Variants in NKAIN2 observed in about 807,000 individuals in gnomAD.
NKAIN2 encodes the protein sodium/potassium transporting ATPase interacting 2.
Under a neutral mutation model 32.6 loss-of-function variants are expected in NKAIN2, and 14 were observed. The ratio of observed to expected loss-of-function variants is 0.43; its 90% confidence interval spans 0.28 to 0.67. NKAIN2 has a LOEUF of 0.67. NKAIN2 is among the 30% of genes least tolerant of loss of function. NKAIN2 has a pLI of 0.17. For missense variants in NKAIN2, 198 were observed against 258.3 expected (o/e 0.77, Z 1.60); for synonymous variants, 80 against 87.2 (o/e 0.92, Z 0.46).
intron 3 of NKAIN2, among the ~76,000 whole-genome samples, chr6:124,445,783 CA>C (rs869309610): frequency 2.6e-4 from 18 of 70,166 alleles, no homozygotes; most frequent in East Asian, 7.7e-4. Flanking sequence ...CGAAACAAAA[CA>C]AAAAAAAAAA....
intron 4 of NKAIN2, among the ~76,000 whole-genome samples, chr6:124,730,373 T>C (rs1407528407): frequency 9.7e-6 from 1 of 103,292 alleles, no homozygotes; most frequent in Admixed American, 1.1e-4. Context: ...TATAGATCAA[T>C]GGAACAGAAC....
At chr6:124,455,417 C>G (rs1776282477) in intron 3 of NKAIN2, among the ~76,000 whole-genome samples, 1 of 151,802 alleles carries the variant, frequency 6.6e-6, no homozygotes, top group Non-Finnish European at 1.5e-5. Context: ...TAGGGTTGAT[C>G]TAGTTTTCGA....
At chr6:124,384,291 T>C (rs769066098) in intron 3 of NKAIN2, among the ~76,000 whole-genome samples, 4 of 152,160 alleles carry the variant, frequency 2.6e-5, no homozygotes, top group Non-Finnish European at 4.4e-5. Context: ...TTATCTGAGT[T>C]AATGAATATA....
chr6:124,813,235 T>C (rs543591488), intron 5 of NKAIN2, among the ~76,000 whole-genome samples: 1 of 152,240 alleles, frequency 6.6e-6, no homozygotes, highest in South Asian at 2.1e-4. Context: ...CACTGGCAAA[T>C]TCAGCAAAGG....
At chr6:124,361,285 T>G (rs1799276712) in intron 3 of NKAIN2, among the ~76,000 whole-genome samples, 1 of 152,100 alleles carries the variant, frequency 6.6e-6, no homozygotes, top group Admixed American at 6.6e-5. Context: ...TTTTATTGCA[T>G]GTGATAAAAT....
At chr6:124,277,092 T>G (rs914724945) in intron 1 of NKAIN2, among the ~76,000 whole-genome samples, 96 of 152,116 alleles carry the variant, frequency 6.3e-4, no homozygotes, top group African/African-American at 2.0e-3. Flanking sequence ...GGAACAAAAT[T>G]TTACATGAAT....
chr6:124,806,786 G>A (rs1050216345), intron 5 of NKAIN2, among the ~76,000 whole-genome samples: 1 of 151,908 alleles, frequency 6.6e-6, no homozygotes, highest in African/African-American at 2.4e-5. Flanking sequence ...ATAAAAGGAT[G>A]GAGGAAGATC....
At chr6:123,932,406 CTTTTTTTTTTTTTTT>C (rs57063550) in intron 1 of NKAIN2, among the ~76,000 whole-genome samples, 36,616 of 106,044 alleles carry the variant, frequency 0.35, 6,204 homozygotes, top group East Asian at 0.6. Flanking sequence ...TTCTGTCTTT[CTTTTTTTTTTTTTTT>C]TTTTTTTTTT....
chr6:124,644,408 CT>C (rs34696279), intron 3 of NKAIN2, among the ~76,000 whole-genome samples: 72,809 of 139,680 alleles, frequency 0.52, 18,308 homozygotes, highest in Middle Eastern at 0.62. Flanking sequence ...CTTTTCTTTT[CT>C]TTTTTTTTTT....
chr6:124,470,546 A>T (rs1776930999), intron 3 of NKAIN2, among the ~76,000 whole-genome samples: 2 of 152,112 alleles, frequency 1.3e-5, no homozygotes, highest in Middle Eastern at 3.2e-3. Context: ...GAATGTATTG[A>T]ACACACAGCA....
intron 3 of NKAIN2, among the ~76,000 whole-genome samples, chr6:124,363,085 T>C (rs1439360578): frequency 1.3e-5 from 2 of 152,132 alleles, no homozygotes; most frequent in African/African-American, 4.8e-5. Flanking sequence ...TCTGCCCTCA[T>C]TGGCCTCCCA....
chr6:124,513,703 A>G (rs983698414), intron 3 of NKAIN2, among the ~76,000 whole-genome samples: 3 of 152,174 alleles, frequency 2.0e-5, no homozygotes, highest in African/African-American at 7.2e-5. Flanking sequence ...TGTAATAGTA[A>G]CAGAATCACC....
chr6:124,507,711 T>G lies in NKAIN2; in HGVS notation c.274-150475T>G, dbSNP rs537804251. Among the ~76,000 whole-genome samples, 7 of 152,264 alleles carry G rather than the reference T, an allele frequency of 4.6e-5. No homozygotes were observed. In the South Asian group the frequency reaches 1.5e-3, roughly 32 times the overall value. ...AATACTACATTTTTCTGCCATTCTG[T>G]TATGTGCTGATTTATCTTTACAATA... On this transcript the variant is annotated intron_variant, in intron 3 of 6. Transcript: ENST00000368417.
At chr6:124,346,905 A>G (rs1798451984) in intron 2 of NKAIN2, among the ~76,000 whole-genome samples, 1 of 152,044 alleles carries the variant, frequency 6.6e-6, no homozygotes, top group African/African-American at 2.4e-5. Flanking sequence ...TTTGCACATT[A>G]GTTGATGCAG....
chr6:124,230,471 G>A (rs1396764953), intron 1 of NKAIN2, among the ~76,000 whole-genome samples: 3 of 152,192 alleles, frequency 2.0e-5, no homozygotes, highest in African/African-American at 4.8e-5. Context: ...TAATACCCAA[G>A]ACAATGGAGA....
At chr6:124,290,671 C>T (rs536881790) in intron 2 of NKAIN2, among the ~76,000 whole-genome samples, 2 of 150,482 alleles carry the variant, frequency 1.3e-5, no homozygotes, top group South Asian at 4.2e-4. Flanking sequence ...GTTTTCTTTC[C>T]CCTCTGAAGT....
rs1392180273 is a variant in NKAIN2, at chr6:124,155,662, A to G, written c.55-127343A>G. Among the ~76,000 whole-genome samples, 3 of 151,554 alleles carry G rather than the reference A, an allele frequency of 2.0e-5. No homozygotes were observed. In the East Asian group the frequency reaches 5.8e-4, roughly 29 times the overall value. On this transcript the variant is annotated intron_variant, in intron 1 of 6. Coordinates refer to ENST00000368417, the MANE Select transcript of NKAIN2 (RefSeq NM_001040214.3). ...AATTTTGATATGATTTAACAATTCC[A>G]TGATATGGAGATAAATGGAAAAAAA...
At chr6:123,983,459 A>G (rs1209193685) in intron 1 of NKAIN2, among the ~76,000 whole-genome samples, 1 of 152,208 alleles carries the variant, frequency 6.6e-6, no homozygotes, top group East Asian at 1.9e-4. Flanking sequence ...ACATCTGTGC[A>G]AGAGAAACAG....
At chr6:123,842,764 A>G (rs1774927386) in intron 1 of NKAIN2, among the ~76,000 whole-genome samples, 2 of 152,078 alleles carry the variant, frequency 1.3e-5, no homozygotes, top group African/African-American at 2.4e-5. Context: ...AGGAACAGCT[A>G]AAGACCCCAT....
Sources: gnomAD v4.1 joint callset for allele counts (sites outside exome capture counted in the v4.1 genomes callset) on GRCh38, gnomAD v4.1.1 for gene constraint, MANE v1.5 for transcripts, NCBI Gene and HGNC (gene_info 2026-07-23, HGNC 2026-07-21) for gene names.